The following AQP1 variants were observed in gnomAD, a reference collection of about 807,000 sequenced individuals.
AQP1 encodes the protein aquaporin 1 (Colton blood group).
AQP1 carries 11 observed loss-of-function variants against 19.7 expected under a neutral mutation model. That is an observed-to-expected ratio of 0.56 (90% CI 0.35 to 0.92). AQP1 has a LOEUF of 0.92. Ranked by LOEUF, AQP1 falls within the 40% of genes least tolerant of loss-of-function variation. The pLI is 0.01. For missense variants in AQP1, 320 were observed against 369.7 expected (o/e 0.87, Z 1.10); for synonymous variants, 159 against 166.7 (o/e 0.95, Z 0.36).
chr7:30,920,244 G>A (rs1269823088), intron 1 of AQP1, among the ~76,000 whole-genome samples: 1 of 152,168 alleles, frequency 6.6e-6, no homozygotes, highest in Non-Finnish European at 1.5e-5. Context: ...CTGCCAGCTA[G>A]CAATTAGGCC....
Position 30,921,568 on chromosome 7 carries a change from C to T in AQP1, c.385-498C>T, listed in dbSNP as rs149264909. 8.9e-3 allele frequency: 13,761 copies of T among 1,546,452 alleles called. 76 individuals are homozygous for T. The highest frequency in any genetic ancestry group is 0.011 in the Non-Finnish European group (12,317 of 1,143,774). ...GAGCCAGGACCTCACCGAAGGCCTC[C>T]TCAGCCCTGGAATTTAGATGCAGTC... On this transcript the variant is annotated intron_variant, in intron 1 of 3. Coordinates refer to ENST00000311813, the MANE Select transcript of AQP1 (RefSeq NM_198098.4).
In AQP1 at chr7:30,918,423, G is replaced by GAC. The variant is rs200876204; in HGVS notation, c.385-3637_385-3636dup. ...GACACAGCAGACACTTATCTACAAA[G>GAC]ACACACAGAGGCACACAAAACCAGG... On this transcript the variant is annotated intron_variant, in intron 1 of 3. Transcript: ENST00000311813. 7.0e-3 allele frequency among the ~76,000 whole-genome samples: 1,073 copies of GAC among 152,292 alleles called. 16 individuals are homozygous for GAC. The highest frequency in any genetic ancestry group is 0.025 in the African/African-American group (1,031 of 41,552).
chr7:30,922,707 C>A, intron 3 of AQP1, 63 bp downstream of exon 3: 1 of 1,464,700 alleles, frequency 6.8e-7, no homozygotes, highest in Non-Finnish European at 9.6e-7. Flanking sequence ...CTGACCCCAC[C>A]CTCACAGTGT....
rs574768358 is a variant in AQP1 at position 30,911,918 on chromosome 7, C to T, written c.9C>T (p.Ser3=). 40 of 1,613,178 alleles carry T rather than the reference C, an allele frequency of 2.5e-5. No homozygotes were observed. In the East Asian group the frequency reaches 3.3e-4, roughly 13 times the overall value. MA[S]EFKKKLFWRA... is the part of the protein sequence containing the mutation. ...CCAAGCCCCCTGCCAGCATGGCCAG[C>T]GAGTTCAAGAAGAAGCTCTTCTGGA... is the stretch of plus-strand genomic sequence containing the variant. Residue 3 remains serine (S), a synonymous_variant, in exon 1 of 4, where the codon AGC becomes AGT. Transcript: ENST00000311813.
At position 30,923,696 on chromosome 7, in the gene AQP1, GA is replaced by G. The variant is rs1285545561; in HGVS notation, c.*70del. The G allele has an allele frequency of 1.4e-5, 22 of 1,524,704 alleles. No homozygotes were observed. The highest frequency in any genetic ancestry group is 1.9e-5 in the Non-Finnish European group (22 of 1,134,410). The allele number at this position is 1,524,704 out of a possible 1,614,324, so 94.4% of individuals were successfully genotyped here. On this transcript the variant is annotated 3_prime_UTR_variant, in exon 4 of 4. Transcript: ENST00000311813. This position sits in a 1 kb window ranked among gnomAD's most constrained non-coding sequence, Gnocchi z 4.8. ...GGGCGGGCGGAGGGAGGGGAGGGGT[GA>G]AATCCATACTGTAGACACTCTGACA... is the stretch of plus-strand genomic sequence containing the variant.
chr7:30,921,680 G>A, intron 1 of AQP1: 2 of 1,551,024 alleles, frequency 1.3e-6, no homozygotes, highest in South Asian at 1.2e-5. Flanking sequence ...TCTTCTCCTA[G>A]GAGTGCTCCT....
At chr7:30,919,554 TA>T (rs1340810362) in intron 1 of AQP1, among the ~76,000 whole-genome samples, 104 of 113,834 alleles carry the variant, frequency 9.1e-4, no homozygotes, top group East Asian at 2.3e-3. Flanking sequence ...TTCTGATTCT[TA>T]CTTTTTTTTT....
Position 30,912,182 on chromosome 7 carries a change from C to G in AQP1, c.273C>G (p.Ile91Met), listed in dbSNP as rs772776753. ...TGCTGCTCAGCTGCCAGATCAGCAT[C>G]TTCCGTGCCCTCATGTACATCATCG... ...LGLLLSCQISIFRALMYIIAQ... is the reference protein window; with the variant it reads ...LGLLLSCQISMFRALMYIIAQ... The change falls in exon 1 of 4, where the codon ATC (isoleucine) becomes ATG (methionine). Residue 91 changes from isoleucine to methionine, a missense_variant. Coordinates refer to ENST00000311813, the MANE Select transcript of AQP1 (RefSeq NM_198098.4). The surrounding 1 kb of genome is among the most constrained non-coding windows in gnomAD (Gnocchi z 4.3). 8 of 1,612,678 alleles carry G rather than the reference C, an allele frequency of 5.0e-6. No individual in the cohort carries two copies. The East Asian group carries it at 1.8e-4, about 36-fold the overall frequency.
chr7:30,913,084 T>C (rs1791210992), intron 1 of AQP1, among the ~76,000 whole-genome samples: 1 of 152,066 alleles, frequency 6.6e-6, no homozygotes, highest in Non-Finnish European at 1.5e-5. Flanking sequence ...TGTGCTGCTG[T>C]GTAAGGGTGT....
chr7:30,919,450 G>A (rs1255502084), intron 1 of AQP1, among the ~76,000 whole-genome samples: 1 of 152,062 alleles, frequency 6.6e-6, no homozygotes, highest in African/African-American at 2.4e-5. Flanking sequence ...CAGAAGAAAT[G>A]TGTGGATTAT....
At position 30,923,746 on chromosome 7, in the gene AQP1, AG is replaced by A; in HGVS notation, c.*118del. On this transcript the variant is annotated 3_prime_UTR_variant, in exon 4 of 4. Transcript: ENST00000311813. The surrounding 1 kb of genome is among the most constrained non-coding windows in gnomAD (Gnocchi z 4.8). ...CAAGCTGGCCAAAGTCACTTCCCCA[AG>A]ATCTGCCAGACCTGCATGGTCAAGC... 6.7e-7 allele frequency: 1 copy of A among 1,502,920 alleles called. No homozygotes were observed. The highest frequency in any genetic ancestry group is 8.9e-7 in the Non-Finnish European group (1 of 1,121,980). 93.1% of individuals were successfully genotyped at this position (1,502,920 alleles called of 1,614,324 possible). A position where few individuals can be genotyped will look rare whatever the true frequency, so the allele number is the denominator to read the frequency against.
chr7:30,920,673 T>C (rs1258796468), intron 1 of AQP1, among the ~76,000 whole-genome samples: 1 of 152,212 alleles, frequency 6.6e-6, no homozygotes, highest in Non-Finnish European at 1.5e-5. Context: ...GCCATGCTCA[T>C]GGTGCCAGAA....
At chr7:30,921,573 C>T (rs1333773447) in intron 1 of AQP1, 2 of 1,547,926 alleles carry the variant, frequency 1.3e-6, no homozygotes, top group Non-Finnish European at 1.7e-6. Flanking sequence ...GCCTCCTCAG[C>T]CCTGGAATTT....
At chr7:30,913,485 G>A (rs967618088) in intron 1 of AQP1, 1 of 152,448 alleles carries the variant, frequency 6.6e-6, no homozygotes, top group South Asian at 2.1e-4. Flanking sequence ...GCGGGGCTGT[G>A]GGCAGGGCAT....
At chr7:30,921,973 C>T in intron 1 of AQP1, 93 bp from the exon 2 acceptor site, 1 of 1,590,228 alleles carries the variant, frequency 6.3e-7, no homozygotes, top group Non-Finnish European at 8.6e-7. Flanking sequence ...GCCCTTCATG[C>T]CTGGGCCTGG....
Position 30,923,675 on chromosome 7 carries a change from G to A in AQP1, c.*46G>A, listed in dbSNP as rs760695211. On this transcript the variant is annotated 3_prime_UTR_variant, in exon 4 of 4. Transcript: ENST00000311813. This position sits in a 1 kb window ranked among gnomAD's most constrained non-coding sequence, Gnocchi z 4.8. ...CCACGTAGGGGGCAGGGGCAGGGGC[G>A]GGCGGAGGGAGGGGAGGGGTGAAAT... The A allele has an allele frequency of 6.5e-6, 10 of 1,542,030 alleles. No homozygotes were observed. Among genetic ancestry groups the A allele is most frequent in the East Asian group, 2.6e-5 (1 of 39,006 alleles).
rs1416041808 is a variant in AQP1 at position 30,912,996 on chromosome 7, G to A, written c.384+703G>A. ...CGTGTGTGTGCATGTGCGTGTGCGT[G>A]TGTGTGTGTGAAGGTGTGTATGTGT... On this transcript the variant is annotated intron_variant, in intron 1 of 3. Coordinates refer to ENST00000311813, the MANE Select transcript of AQP1 (RefSeq NM_198098.4). This position sits in a 1 kb window ranked among gnomAD's most constrained non-coding sequence, Gnocchi z 4.3. Among the ~76,000 whole-genome samples the A allele has an allele frequency of 6.6e-6, 1 of 151,908 alleles. No homozygotes were observed.
rs1791621144 is a variant in AQP1 at position 30,924,260 on chromosome 7, A to G, written c.*631A>G. 4.7e-6 allele frequency: 2 copies of G among 422,034 alleles called. No individual in the cohort carries two copies. Among genetic ancestry groups the G allele is most frequent in the African/African-American group, 2.1e-5 (1 of 48,410 alleles). 26.1% of individuals were successfully genotyped at this position (422,034 alleles called of 1,614,324 possible). A position where few individuals can be genotyped will look rare whatever the true frequency, so the allele number is the denominator to read the frequency against. ...GACCGGCAGAGCTCTACAGGCCTGC[A>G]GCCCCTAAGTGCAAACACAGCATGG... On this transcript the variant is annotated 3_prime_UTR_variant, in exon 4 of 4. Coordinates refer to ENST00000311813, the MANE Select transcript of AQP1 (RefSeq NM_198098.4).
chr7:30,918,523 C>T (rs944244150), intron 1 of AQP1, among the ~76,000 whole-genome samples: 6 of 152,178 alleles, frequency 3.9e-5, no homozygotes, highest in African/African-American at 1.4e-4. Flanking sequence ...CCTCACTGCC[C>T]AGTGCTGAGT....
Sources: gnomAD v4.1 joint callset for allele counts (sites outside exome capture counted in the v4.1 genomes callset) on GRCh38, gnomAD v4.1.1 for gene constraint, Gnocchi (gnomAD v3.1) non-coding constraint, MANE v1.5 for transcripts, NCBI Gene and HGNC (gene_info 2026-07-23, HGNC 2026-07-21) for gene names.